The following GLYR1 variants were observed in gnomAD, a reference collection of about 807,000 sequenced individuals.
GLYR1 encodes the protein cytokine-like nuclear factor N-PAC.
In GLYR1, 21 loss-of-function variants were observed where a neutral mutation model predicts 72.7. The observed-to-expected ratio is 0.29, with a 90% CI of 0.20 to 0.42. The LOEUF (loss-of-function observed/expected upper bound fraction) is 0.42. GLYR1 is among the 10% of genes least tolerant of loss of function. GLYR1 has a pLI of 1.00. For synonymous variants in GLYR1, 392 were observed against 270.2 expected (o/e 1.45, Z -4.42); for missense variants, 594 against 712.1 (o/e 0.83, Z 1.89).
intron 15 of GLYR1, among the ~76,000 whole-genome samples, chr16:4,806,325 T>C (rs1350188625): frequency 6.6e-6 from 1 of 151,954 alleles, no homozygotes; most frequent in East Asian, 1.9e-4. Flanking sequence ...GCAAAGTTTT[T>C]ACATTTAATG....
At chr16:4,837,972 TAAAG>T (rs979613819) in intron 3 of GLYR1, among the ~76,000 whole-genome samples, 7 of 142,164 alleles carry the variant, frequency 4.9e-5, no homozygotes, top group East Asian at 2.0e-4. Flanking sequence ...AATAAATAAA[TAAAG>T]ATAAGAATAA....
At chr16:4,831,474 C>T (rs935646439) in intron 5 of GLYR1, among the ~76,000 whole-genome samples, 10 of 151,986 alleles carry the variant, frequency 6.6e-5, no homozygotes, top group Non-Finnish European at 1.0e-4. Flanking sequence ...TCTCCCTGTT[C>T]GAGAGTATCT....
intron 1 of GLYR1, among the ~76,000 whole-genome samples, chr16:4,846,507 C>G (rs145595030): frequency 1.9e-4 from 29 of 152,380 alleles, no homozygotes; most frequent in Non-Finnish European, 3.7e-4. Context: ...TCTGTAAACA[C>G]AGACTTTCCC....
At chr16:4,814,477 G>C (rs2083502819) in intron 11 of GLYR1, 60 bp downstream of exon 11, 5 of 1,308,970 alleles carry the variant, frequency 3.8e-6, no homozygotes, top group African/African-American at 1.4e-5. Context: ...GAGGGGAAGA[G>C]GCCAGCCAGC....
chr16:4,819,313 T>A (rs2083861081), intron 9 of GLYR1, among the ~76,000 whole-genome samples: 1 of 152,084 alleles, frequency 6.6e-6, no homozygotes. Flanking sequence ...GCACCCAGCC[T>A]TTTTTCTTTT....
At chr16:4,839,888 T>A (rs928715179) in intron 3 of GLYR1, 8 of 152,180 alleles carry the variant, frequency 5.3e-5, no homozygotes, top group African/African-American at 1.9e-4. Flanking sequence ...AAACTGAACA[T>A]CTTTGACCAA....
intron 3 of GLYR1, among the ~76,000 whole-genome samples, chr16:4,842,329 C>T (rs780830152): frequency 6.6e-6 from 1 of 151,828 alleles, no homozygotes; most frequent in Non-Finnish European, 1.5e-5. Context: ...TCATGGCTCT[C>T]CACTGAGCTC....
intron 15 of GLYR1, among the ~76,000 whole-genome samples, chr16:4,810,699 TAAAAAAAAAAAA>T (rs551202037): frequency 1.4e-4 from 3 of 21,812 alleles, no homozygotes; most frequent in African/African-American, 2.6e-4. Context: ...CTGTCTCTAC[TAAAAAAAAAAAA>T]AAAAAAAAAA....
At chr16:4,832,424 C>T (rs146064211) in intron 4 of GLYR1, 6,467 of 642,914 alleles carry the variant, frequency 0.01, 51 homozygotes, top group Middle Eastern at 0.015. Context: ...TTCCCTATGT[C>T]CCAAAACTAG....
intron 3 of GLYR1, chr16:4,839,907 T>C (rs2085422592): frequency 6.6e-6 from 1 of 152,200 alleles, no homozygotes; most frequent in Non-Finnish European, 1.5e-5. Flanking sequence ...AAATCCTGTA[T>C]TTCTCAGGAA....
chr16:4,828,878 A>G (rs541887460), intron 5 of GLYR1, among the ~76,000 whole-genome samples: 2 of 152,128 alleles, frequency 1.3e-5, no homozygotes, highest in Admixed American at 6.5e-5. Context: ...CCTTTATCCA[A>G]CGAGAAGGTA....
intron 6 of GLYR1, 52 bp from the exon 7 acceptor site, chr16:4,822,983 C>G: frequency 6.8e-7 from 1 of 1,470,838 alleles, no homozygotes; most frequent in African/African-American, 1.4e-5. Context: ...CCAAAGGTCA[C>G]TTCCTTCTCC....
rs1421301432 is a variant in GLYR1, at chr16:4,803,702, C to T, written c.*1534G>A. ...GCATCTTCCCTGCCCTCCCCCCACT[C>T]GTCTTCTGCAATCCTCTAACCCAGT... On this transcript the variant is annotated 3_prime_UTR_variant, in exon 16 of 16. Coordinates refer to ENST00000321919, the MANE Select transcript of GLYR1 (RefSeq NM_032569.4). 2 of 152,166 alleles carry T rather than the reference C, an allele frequency of 1.3e-5. No homozygotes were observed. The highest frequency in any genetic ancestry group is 2.4e-5 in the African/African-American group (1 of 41,398). 9.4% of individuals were successfully genotyped at this position (152,166 alleles called of 1,614,324 possible).
intron 9 of GLYR1, among the ~76,000 whole-genome samples, chr16:4,819,112 G>T (rs980438764): frequency 6.6e-6 from 1 of 152,192 alleles, no homozygotes. Flanking sequence ...TGGTGCAAAA[G>T]AATGCCTTTC....
At position 4,813,761 on chromosome 16, in the gene GLYR1, A is replaced by G. The variant is rs1409681428; in HGVS notation, c.1095T>C (p.Ala365=). Residue 365 remains alanine (A), a synonymous_variant, in exon 12 of 16, where the codon GCT becomes GCC. Transcript: ENST00000321919. ...KCYVDMSTVD[A]DTVTELAQVI... ...CCTGGGCCAGCTCAGTGACGGTGTC[A>G]GCGTCCACTGTTGACATGTCCACGT... The G allele has an allele frequency of 1.2e-6, 2 of 1,609,970 alleles. No homozygotes were observed. The highest frequency in any genetic ancestry group is 2.7e-5 in the African/African-American group (2 of 74,898).
At chr16:4,829,266 A>G (rs2084630051) in intron 5 of GLYR1, among the ~76,000 whole-genome samples, 1 of 152,002 alleles carries the variant, frequency 6.6e-6, no homozygotes, top group African/African-American at 2.4e-5. Context: ...AACTAAGCAC[A>G]TTTAAAATTG....
At chr16:4,846,982 T>A in intron 1 of GLYR1, 1 of 539,544 alleles carries the variant, frequency 1.9e-6, no homozygotes, top group Non-Finnish European at 3.3e-6. Flanking sequence ...GGGCCCCGAG[T>A]GCAGACCCCA....
chr16:4,823,863 G>A lies in GLYR1; in HGVS notation c.582C>T (p.Ala194=), dbSNP rs372325257. ...PESSTVKGMM[A]GPMAAFKWQP... ...GCCATTTAAACGCGGCCATCGGTCCGGCCATCATCCCCTTCACGGTACTAG... is the reference window on the plus strand; with the variant it reads ...GCCATTTAAACGCGGCCATCGGTCCAGCCATCATCCCCTTCACGGTACTAG... The change falls in exon 6 of 16, where the codon GCC becomes GCT. Residue 194 remains alanine, a synonymous_variant. Transcript: ENST00000321919. 2.3e-5 allele frequency: 37 copies of A among 1,613,892 alleles called. No homozygotes were observed. Among genetic ancestry groups the A allele is most frequent in the African/African-American group, 5.3e-5 (4 of 74,886 alleles).
At chr16:4,811,538 A>G (rs1258188794) in intron 14 of GLYR1, 85 bp downstream of exon 14, 2 of 1,508,064 alleles carry the variant, frequency 1.3e-6, no homozygotes, top group Non-Finnish European at 1.8e-6. Context: ...GGGGAGGGGC[A>G]TCTTTCACGC....
Sources: gnomAD v4.1 joint callset for allele counts (sites outside exome capture counted in the v4.1 genomes callset) on GRCh38, gnomAD v4.1.1 for gene constraint, MANE v1.5 for transcripts, NCBI Gene and HGNC (gene_info 2026-07-23, HGNC 2026-07-21) for gene names.